Variants in ASCC1 observed in about 807,000 individuals in gnomAD.
ASCC1 encodes the protein ASC-1 complex subunit P50.
ASCC1 carries 35 observed loss-of-function variants against 46.6 expected under a neutral mutation model. The ratio of observed to expected loss-of-function variants is 0.75; its 90% confidence interval spans 0.57 to 0.99. The LOEUF (loss-of-function observed/expected upper bound fraction) is 0.99. Ranked by LOEUF, ASCC1 falls within the 50% of genes least tolerant of loss-of-function variation. The pLI is 0.00. For synonymous variants in ASCC1, 143 were observed against 146.6 expected, an observed-to-expected ratio of 0.98 and a Z score of 0.18; for missense variants, 376 against 428.7, an observed-to-expected ratio of 0.88 and a Z score of 1.09.
At chr10:72,124,065 G>A (rs182249167) in intron 9 of ASCC1, among the ~76,000 whole-genome samples, 117 of 152,284 alleles carry the variant, frequency 7.7e-4, no homozygotes, top group African/African-American at 2.5e-3. Flanking sequence ...AGGCTCTGAA[G>A]AACAGAGATG....
At chr10:72,176,714 C>T (rs1395802892) in intron 5 of ASCC1, among the ~76,000 whole-genome samples, 1 of 152,120 alleles carries the variant, frequency 6.6e-6, no homozygotes, top group African/African-American at 2.4e-5. Context: ...GCTTTCACAA[C>T]TTGGGTGCCA....
At chr10:72,136,849 T>G (rs1188183550) in intron 7 of ASCC1, among the ~76,000 whole-genome samples, 1 of 151,470 alleles carries the variant, frequency 6.6e-6, no homozygotes, top group Non-Finnish European at 1.5e-5. Flanking sequence ...GCTGTAACAC[T>G]CACTGCAAAG....
chr10:72,120,700 C>G (rs994129100), intron 9 of ASCC1, among the ~76,000 whole-genome samples: 2 of 151,952 alleles, frequency 1.3e-5, no homozygotes, highest in African/African-American at 4.8e-5. Flanking sequence ...AAATACTTTT[C>G]CTATATAGAA....
chr10:72,205,002 T>A (rs1272468860), intron 3 of ASCC1, among the ~76,000 whole-genome samples: 1 of 152,168 alleles, frequency 6.6e-6, no homozygotes, highest in Admixed American at 6.6e-5. Flanking sequence ...GGCTTTAGAA[T>A]CAAACAAACC....
chr10:72,153,450 C>T (rs970698733), intron 6 of ASCC1, among the ~76,000 whole-genome samples: 3 of 143,594 alleles, frequency 2.1e-5, no homozygotes, highest in Non-Finnish European at 1.5e-5. Flanking sequence ...TGTTTTGAGA[C>T]GGAGTTTTGC....
At chr10:72,112,313 T>C (rs1335977998) in intron 9 of ASCC1, among the ~76,000 whole-genome samples, 1 of 152,100 alleles carries the variant, frequency 6.6e-6, no homozygotes, top group Non-Finnish European at 1.5e-5. Flanking sequence ...CTGAGTGAAA[T>C]AAACTGGACA....
chr10:72,118,510 T>A (rs1336950703), intron 9 of ASCC1, among the ~76,000 whole-genome samples: 4 of 152,192 alleles, frequency 2.6e-5, no homozygotes, highest in Non-Finnish European at 5.9e-5. Context: ...CTGGGCATGG[T>A]GGCTCACGCC....
intron 9 of ASCC1, among the ~76,000 whole-genome samples, chr10:72,101,125 G>C (rs776080563): frequency 1.2e-4 from 18 of 152,154 alleles, no homozygotes; most frequent in South Asian, 8.3e-4. Flanking sequence ...TTCATGCAAA[G>C]AGGCACATGA....
At chr10:72,104,859 T>C (rs1170565657) in intron 9 of ASCC1, among the ~76,000 whole-genome samples, 1 of 152,100 alleles carries the variant, frequency 6.6e-6, no homozygotes, top group Non-Finnish European at 1.5e-5. Context: ...TTGGACGATT[T>C]AAGAAAATTT....
At chr10:72,196,690 T>C (rs753949348) in intron 5 of ASCC1, 121 bp downstream of exon 5, 24 of 1,002,022 alleles carry the variant, frequency 2.4e-5, no homozygotes, top group African/African-American at 8.3e-5. Context: ...CCAAAAGAAA[T>C]AGTTATCTTT....
chr10:72,122,900 C>T (rs546814173), intron 9 of ASCC1, among the ~76,000 whole-genome samples: 83 of 152,086 alleles, frequency 5.5e-4, no homozygotes, highest in African/African-American at 2.0e-3. Flanking sequence ...AAAAGCAGTG[C>T]TCAGAGGGAA....
chr10:72,186,812 G>C (rs1459067925), intron 5 of ASCC1, among the ~76,000 whole-genome samples: 2 of 151,858 alleles, frequency 1.3e-5, no homozygotes, highest in Non-Finnish European at 2.9e-5. Context: ...GACTGATTAA[G>C]GCCAGCATGA....
rs138657025 is a variant in ASCC1, at chr10:72,150,297, T to TA, written c.746+2571dup. On this transcript the variant is annotated intron_variant, in intron 7 of 9. Transcript: ENST00000672957. ...AAACTTGCTTCCAAATGAAATGAGA[T>TA]AAGACACCATTGAGATTATCAATTC... 7.3e-3 allele frequency among the ~76,000 whole-genome samples: 1,104 copies of TA among 152,240 alleles called. 11 individuals are homozygous for TA. Among genetic ancestry groups the TA allele is most frequent in the African/African-American group, 0.025 (1,047 of 41,522 alleles).
chr10:72,119,848 T>C (rs369242629), intron 9 of ASCC1, among the ~76,000 whole-genome samples: 2 of 152,150 alleles, frequency 1.3e-5, no homozygotes, highest in East Asian at 1.9e-4. Context: ...AGGACTCCAA[T>C]GGATAAAGGA....
chr10:72,202,996 C>T (rs1285477392), intron 4 of ASCC1, among the ~76,000 whole-genome samples: 1 of 152,040 alleles, frequency 6.6e-6, no homozygotes, highest in Non-Finnish European at 1.5e-5. Flanking sequence ...CATAAAGACG[C>T]CCATAGCTGG....
At chr10:72,148,940 T>C (rs779987415) in intron 7 of ASCC1, among the ~76,000 whole-genome samples, 1 of 152,190 alleles carries the variant, frequency 6.6e-6, no homozygotes, top group Non-Finnish European at 1.5e-5. Flanking sequence ...TACTCCCCAT[T>C]TTTCTAACTA....
intron 5 of ASCC1, among the ~76,000 whole-genome samples, chr10:72,162,641 A>T (rs1849838952): frequency 6.6e-6 from 1 of 151,838 alleles, no homozygotes; most frequent in South Asian, 2.1e-4. Flanking sequence ...AGTAGAACCC[A>T]ATTTTAAAAT....
intron 9 of ASCC1, among the ~76,000 whole-genome samples, chr10:72,100,248 G>A (rs1294286747): frequency 2.0e-5 from 3 of 147,888 alleles, no homozygotes; most frequent in Admixed American, 6.7e-5. Flanking sequence ...TTTTTTAGAC[G>A]GACTCTCTCT....
At chr10:72,138,235 A>T (rs988263720) in intron 7 of ASCC1, among the ~76,000 whole-genome samples, 2 of 152,234 alleles carry the variant, frequency 1.3e-5, no homozygotes, top group Non-Finnish European at 2.9e-5. Context: ...TTCAGTTACA[A>T]ATCACAACAG....
Sources: allele counts gnomAD v4.1 joint callset (sites outside exome capture counted in the v4.1 genomes callset), GRCh38; gene constraint gnomAD v4.1.1; transcripts MANE v1.5; gene names NCBI Gene and HGNC (gene_info 2026-07-23, HGNC 2026-07-21).